The following CDH18 variants were observed in gnomAD, a reference collection of about 807,000 sequenced individuals.
CDH18 encodes the protein cadherin-18.
A neutral mutation model predicts 67.9 loss-of-function variants in CDH18; 31 were observed. That is an observed-to-expected ratio of 0.46 (90% CI 0.34 to 0.62). The LOEUF (loss-of-function observed/expected upper bound fraction) is 0.62. CDH18 is among the 20% of genes least tolerant of loss of function. The probability of loss-of-function intolerance (pLI) is 0.01; values close to 1 mark genes in which losing one functional copy is unlikely to be tolerated. For missense variants in CDH18, 890 were observed against 975.5 expected (o/e 0.91, Z 1.17); for synonymous variants, 362 against 347.2 (o/e 1.04, Z -0.48).
chr5:19,650,889 A>G (rs1161642108), intron 5 of CDH18, among the ~76,000 whole-genome samples: 1 of 152,080 alleles, frequency 6.6e-6, no homozygotes, highest in East Asian at 1.9e-4. Flanking sequence ...GACAAAATAT[A>G]TTTTAATTTT....
rs555266482 is a variant in CDH18, at chr5:20,250,264, G to C, written c.-518+5180C>G. On this transcript the variant is annotated intron_variant, in intron 2 of 14. Coordinates refer to the CDH18 transcript ENST00000507958. ...CTTTAAAAATGTTTCAGTAATGTTGGAGTCTGACAATTTTATTTTTTTTTT... is the reference window on the plus strand; with the variant it reads ...CTTTAAAAATGTTTCAGTAATGTTGCAGTCTGACAATTTTATTTTTTTTTT... 3.3e-5 allele frequency among the ~76,000 whole-genome samples: 5 copies of C among 149,898 alleles called. No individual in the cohort carries two copies. In the Admixed American group the frequency reaches 3.4e-4, roughly 10 times the overall value.
intron 1 of CDH18, among the ~76,000 whole-genome samples, chr5:20,525,213 T>C (rs2126534283): frequency 6.6e-6 from 1 of 152,270 alleles, no homozygotes; most frequent in Middle Eastern, 3.4e-3. Context: ...CTGGGGGGAC[T>C]GCTGGACAGA....
At chr5:19,934,744 T>C (rs1321884272) in intron 2 of CDH18, among the ~76,000 whole-genome samples, 1 of 151,464 alleles carries the variant, frequency 6.6e-6, no homozygotes, top group Non-Finnish European at 1.5e-5. Flanking sequence ...TGTTTATAGT[T>C]ATCATCTTTT....
chr5:19,744,615 T>G (rs1464115785), intron 4 of CDH18, among the ~76,000 whole-genome samples: 1 of 152,092 alleles, frequency 6.6e-6, no homozygotes, highest in South Asian at 2.1e-4. Context: ...TCTGTTCTGA[T>G]TTATTTCAAC....
rs1350515750 is a variant in CDH18, at chr5:20,352,561, A to G, written c.-579-97056T>C. 4.0e-5 allele frequency among the ~76,000 whole-genome samples: 6 copies of G among 151,330 alleles called. No individual in the cohort carries two copies. The South Asian group carries it at 1.0e-3, about 26-fold the overall frequency. On this transcript the variant is annotated intron_variant, in intron 1 of 14. Coordinates refer to the CDH18 transcript ENST00000507958. ...TTTCGGAGGTCCAGGTGGGCGGATC[A>G]AGAGGTCAGGAGATCGAGACCATCC...
At chr5:20,200,685 G>T (rs768830070) in intron 2 of CDH18, among the ~76,000 whole-genome samples, 5 of 151,630 alleles carry the variant, frequency 3.3e-5, no homozygotes, top group Non-Finnish European at 7.4e-5. Flanking sequence ...CAAACAAAAA[G>T]AAGAAAAATT....
intron 1 of CDH18, among the ~76,000 whole-genome samples, chr5:20,255,805 T>C (rs1508580): frequency 0.3 from 45,400 of 151,922 alleles, 7,459 homozygotes; most frequent in Non-Finnish European, 0.37. Context: ...GAAGTTTTAA[T>C]TTCAGTGTTA....
chr5:19,632,636 G>T (rs12153779), intron 5 of CDH18, among the ~76,000 whole-genome samples: 1 of 151,984 alleles, frequency 6.6e-6, no homozygotes, highest in Non-Finnish European at 1.5e-5. Context: ...TATCTCTAAG[G>T]TATGCGCATA....
chr5:19,894,152 C>A (rs1465240850), intron 2 of CDH18, among the ~76,000 whole-genome samples: 1 of 151,968 alleles, frequency 6.6e-6, no homozygotes, highest in Non-Finnish European at 1.5e-5. Flanking sequence ...AATCAAGAAT[C>A]TCTAGAAAAA....
chr5:19,475,754 T>G (rs1239902605), intron 12 of CDH18, among the ~76,000 whole-genome samples: 1 of 152,010 alleles, frequency 6.6e-6, no homozygotes, highest in East Asian at 1.9e-4. Flanking sequence ...AAATTCACAT[T>G]TATCTGGGTA....
chr5:19,622,921 G>C (rs1750937516), intron 5 of CDH18, among the ~76,000 whole-genome samples: 1 of 152,110 alleles, frequency 6.6e-6, no homozygotes, highest in Admixed American at 6.6e-5. Context: ...CAAAATTCTT[G>C]TTTTGAAAGC....
intron 12 of CDH18, among the ~76,000 whole-genome samples, chr5:19,480,010 A>G (rs1739135333): frequency 6.6e-6 from 1 of 152,192 alleles, no homozygotes; most frequent in South Asian, 2.1e-4. Flanking sequence ...CTCAACATGT[A>G]CCTAGACATT....
intron 5 of CDH18, among the ~76,000 whole-genome samples, chr5:19,674,021 T>C (rs971762930): frequency 3.9e-5 from 6 of 152,042 alleles, no homozygotes; most frequent in Non-Finnish European, 5.9e-5. Context: ...ACAAACTGAA[T>C]AGAAAATTGA....
At chr5:19,996,501 T>C (rs1736031919) in intron 2 of CDH18, among the ~76,000 whole-genome samples, 1 of 152,060 alleles carries the variant, frequency 6.6e-6, no homozygotes, top group South Asian at 2.1e-4. Flanking sequence ...GTAAAATATA[T>C]GAATATTTCT....
At chr5:20,517,662 C>T (rs1348550262) in intron 1 of CDH18, among the ~76,000 whole-genome samples, 6 of 151,804 alleles carry the variant, frequency 4.0e-5, no homozygotes, top group Middle Eastern at 3.2e-3. Flanking sequence ...AAGGTTTTTA[C>T]GGGTTTTAGG....
intron 5 of CDH18, among the ~76,000 whole-genome samples, chr5:19,672,704 A>C (rs138999611): frequency 6.6e-6 from 1 of 152,212 alleles, no homozygotes; most frequent in African/African-American, 2.4e-5. Flanking sequence ...AAAAAGAACA[A>C]TATAATAACA....
chr5:19,860,290 C>T (rs1177988627), intron 2 of CDH18, among the ~76,000 whole-genome samples: 1 of 152,030 alleles, frequency 6.6e-6, no homozygotes, highest in Non-Finnish European at 1.5e-5. Flanking sequence ...GCTGTGATCA[C>T]TTTGATGATC....
chr5:19,896,929 C>T (rs1789406096), intron 2 of CDH18, among the ~76,000 whole-genome samples: 1 of 152,016 alleles, frequency 6.6e-6, no homozygotes, highest in Non-Finnish European at 1.5e-5. Context: ...TGAATCTATA[C>T]TTATCTCAAA....
intron 2 of CDH18, among the ~76,000 whole-genome samples, chr5:20,236,287 A>G (rs991065236): frequency 2.0e-5 from 3 of 151,676 alleles, no homozygotes; most frequent in South Asian, 2.1e-4. Context: ...TAAATAAATA[A>G]AAGCAGCTGG....
Sources: gnomAD v4.1 joint callset for allele counts (sites outside exome capture counted in the v4.1 genomes callset) on GRCh38, gnomAD v4.1.1 for gene constraint, MANE v1.5 for transcripts, NCBI Gene and HGNC (gene_info 2026-07-23, HGNC 2026-07-21) for gene names.